AR: variants seen among roughly 807,000 people sequenced by gnomAD.
AR encodes the protein androgen receptor, also known as dihydrotestosterone receptor.
In AR, 8 loss-of-function variants were observed where a neutral mutation model predicts 53.9. The observed-to-expected ratio is 0.15, with a 90% CI of 0.09 to 0.27. AR has a LOEUF of 0.27. Among genes scored for constraint, AR ranks in the 10% least tolerant of loss-of-function variants. AR has a pLI of 1.00. For missense variants in AR, 639 were observed against 742.5 expected, an observed-to-expected ratio of 0.86 and a Z score of 1.62; for synonymous variants, 359 against 316.4, an observed-to-expected ratio of 1.13 and a Z score of -1.43.
At chrX:67,676,267 T>G (rs1197928331) in intron 2 of AR, among the ~76,000 whole-genome samples, 4 of 111,806 alleles carry the variant, frequency 3.6e-5, no homozygotes, top group Non-Finnish European at 7.5e-5. Context: ...GTGCACAGCT[T>G]ATTAATACAT....
intron 2 of AR, among the ~76,000 whole-genome samples, chrX:67,671,370 A>T (rs543190869): frequency 9.5e-6 from 1 of 105,208 alleles, no homozygotes; most frequent in Admixed American, 1.0e-4. Context: ...GCTTTTTTTC[A>T]TGTTTGTTGG....
At chrX:67,568,926 G>A in intron 1 of AR, 1 of 1,209,065 alleles carries the variant, frequency 8.3e-7, no homozygotes, top group Non-Finnish European at 1.1e-6. Flanking sequence ...CTGGAGGCTG[G>A]CTTTGTACCG....
chrX:67,688,010 A>G (rs2075976267), intron 3 of AR, among the ~76,000 whole-genome samples: 1 of 112,307 alleles, frequency 8.9e-6, no homozygotes. Context: ...TTGTAAATTA[A>G]TTTGTTGGTG....
At chrX:67,629,910 A>C (rs1460305255) in intron 1 of AR, among the ~76,000 whole-genome samples, 1 of 111,458 alleles carries the variant, frequency 9.0e-6, no homozygotes, top group Non-Finnish European at 1.9e-5. Flanking sequence ...GTAGTCATTC[A>C]GGAGCAGGTT....
At chrX:67,595,563 T>A (rs1233980037) in intron 1 of AR, among the ~76,000 whole-genome samples, 1 of 109,957 alleles carries the variant, frequency 9.1e-6, no homozygotes, top group African/African-American at 3.3e-5. Flanking sequence ...ACAAAATTCA[T>A]TAGAAAGATT....
chrX:67,591,361 A>G (rs1922822195), intron 1 of AR, among the ~76,000 whole-genome samples: 1 of 111,689 alleles, frequency 9.0e-6, no homozygotes, highest in Admixed American at 9.5e-5. Context: ...ATGCATAGAG[A>G]GAAAAAGGAG....
chrX:67,700,140 C>G (rs1347239765), intron 3 of AR, among the ~76,000 whole-genome samples: 1 of 111,666 alleles, frequency 9.0e-6, no homozygotes, highest in Non-Finnish European at 1.9e-5. Flanking sequence ...ATGGCCCTTT[C>G]TTGTCACTGC....
intron 1 of AR, among the ~76,000 whole-genome samples, chrX:67,627,259 T>G (rs1897200583): frequency 9.0e-6 from 1 of 111,307 alleles, no homozygotes; most frequent in African/African-American, 3.3e-5. Context: ...AGTGTCAAAG[T>G]GTTCCTATTT....
chrX:67,609,196 G>A (rs1206928543), intron 1 of AR, among the ~76,000 whole-genome samples: 2 of 110,734 alleles, frequency 1.8e-5, no homozygotes, highest in African/African-American at 6.6e-5. Flanking sequence ...ATAACTTGAC[G>A]GTGAATATAC....
intron 6 of AR, among the ~76,000 whole-genome samples, chrX:67,722,600 A>C (rs1452084602): frequency 9.0e-6 from 1 of 111,659 alleles, no homozygotes; most frequent in Non-Finnish European, 1.9e-5. Flanking sequence ...GGTTCAGGAA[A>C]TTTGATTTAC....
intron 2 of AR, among the ~76,000 whole-genome samples, chrX:67,659,840 T>TA (rs1845504221): frequency 8.9e-6 from 1 of 111,884 alleles, no homozygotes; most frequent in African/African-American, 3.3e-5. Flanking sequence ...ACCAACAGTG[T>TA]AAAAGGGTTC....
At chrX:67,645,997 G>A (rs914352487) in intron 2 of AR, among the ~76,000 whole-genome samples, 1 of 111,813 alleles carries the variant, frequency 8.9e-6, no homozygotes, top group African/African-American at 3.2e-5. Context: ...AATTATACCT[G>A]TCTTAGAGAA....
chrX:67,676,436 A>G (rs981259824), intron 2 of AR, among the ~76,000 whole-genome samples: 2 of 112,489 alleles, frequency 1.8e-5, no homozygotes, highest in African/African-American at 3.2e-5. Flanking sequence ...TCACTTTTGC[A>G]TGATGCAGAA....
chrX:67,719,381 G>A (rs113440252), intron 5 of AR, among the ~76,000 whole-genome samples: 1,822 of 111,999 alleles, frequency 0.016, 25 homozygotes, highest in Non-Finnish European at 0.025. Context: ...GACCTTTGGA[G>A]CTTTGAAAAG....
chrX:67,691,452 A>G (rs1241333227), intron 3 of AR, among the ~76,000 whole-genome samples: 1 of 112,003 alleles, frequency 8.9e-6, no homozygotes, highest in Non-Finnish European at 1.9e-5. Flanking sequence ...AAGATTTACA[A>G]TCCTTATTAG....
Position 67,725,863 on chromosome X carries a change from CT to C in AR, c.*2026del, listed in dbSNP as rs1173760953. On this transcript the variant is annotated 3_prime_UTR_variant, in exon 8 of 8. Transcript: ENST00000374690. Reference sequence around the variant, plus strand: ...CCCTGGGACACTGGTTTTATATAGTCTTTTGGCACACCTGTGTTCTGTTGAC... The same window carrying C: ...CCCTGGGACACTGGTTTTATATAGTCTTTGGCACACCTGTGTTCTGTTGAC... The C allele has an allele frequency of 5.7e-6, 1 of 174,006 alleles. No individual in the cohort carries two copies. Among genetic ancestry groups the C allele is most frequent in the African/African-American group, 3.0e-5 (1 of 33,763 alleles). The allele number at this position is 174,006 out of a possible 1,213,427, so 14.3% of individuals were successfully genotyped here.
intron 1 of AR, among the ~76,000 whole-genome samples, chrX:67,569,385 G>T (rs1198767855): frequency 6.3e-5 from 7 of 111,509 alleles, no homozygotes; most frequent in Non-Finnish European, 3.8e-5. Context: ...AGGAACAACT[G>T]TGGGTTTCTG....
At chrX:67,692,908 C>T (rs1363255188) in intron 3 of AR, among the ~76,000 whole-genome samples, 1 of 111,997 alleles carries the variant, frequency 8.9e-6, no homozygotes, top group Non-Finnish European at 1.9e-5. Flanking sequence ...TGACCTAAAT[C>T]GTCATCCCTA....
chrX:67,606,605 G>GAACT (rs1923635799), intron 1 of AR, among the ~76,000 whole-genome samples: 1 of 112,354 alleles, frequency 8.9e-6, no homozygotes, highest in Non-Finnish European at 1.9e-5. Flanking sequence ...CACAATCTTA[G>GAACT]AAGGATTTAA....
Sources: allele counts gnomAD v4.1 joint callset (sites outside exome capture counted in the v4.1 genomes callset), GRCh38; gene constraint gnomAD v4.1.1; transcripts MANE v1.5; gene names NCBI Gene and HGNC (gene_info 2026-07-23, HGNC 2026-07-21).